The following NRBP2 variants were observed in gnomAD, a reference collection of about 807,000 sequenced individuals.
The protein encoded by NRBP2 is nuclear receptor-binding protein 2.
In NRBP2, 47 loss-of-function variants were observed where a neutral mutation model predicts 74.4. The observed-to-expected ratio is 0.63, with a 90% CI of 0.50 to 0.81. The LOEUF is 0.81. Among genes scored for constraint, NRBP2 ranks in the 30% least tolerant of loss-of-function variants. The pLI is 0.00. For synonymous variants in NRBP2, 312 were observed against 273.8 expected (o/e 1.14, Z -1.38); for missense variants, 613 against 690.1 (o/e 0.89, Z 1.25).
chr8:143,840,915 C>T lies in NRBP2; in HGVS notation c.-81G>A. On this transcript the variant is annotated 5_prime_UTR_variant, in exon 1 of 18. Transcript: ENST00000442628. The surrounding 1 kb of genome is among the most constrained non-coding windows in gnomAD (Gnocchi z 5.7). The stretch of plus-strand genomic sequence containing the variant: ...TCCCGGCCCGCCCTGGCCTCGCGCC[C>T]AGCAGCCCAGCCTAGAGCCGCCGCG... 1.6e-6 allele frequency: 2 copies of T among 1,212,330 alleles called. No homozygotes were observed. The highest frequency in any genetic ancestry group is 1.0e-6 in the Non-Finnish European group (1 of 979,252). The allele number at this position is 1,212,330 out of a possible 1,614,324, so 75.1% of individuals were successfully genotyped here.
chr8:143,831,422 C>T (rs1818163021), downstream of NRBP2, among the ~76,000 whole-genome samples: 1 of 152,174 alleles, frequency 6.6e-6, no homozygotes, highest in African/African-American at 2.4e-5. Flanking sequence ...TCAAGACCAG[C>T]TTGGGCAATA....
rs1477843484 is a variant in NRBP2 at position 143,839,932 on chromosome 8, C to T, written c.351G>A (p.Ala117=). ...CCGGGGCCTTGCCCGTGCTCACCCT[C>T]GCGCAGGCCTCAGAGGTATCCAGCC... The part of the protein sequence containing the change: ...KYWLDTSEAC[A]RVIFITEYVS... The change falls in exon 3 of 18, where the codon GCG becomes GCA. Residue 117 remains alanine, a synonymous_variant. Transcript: ENST00000442628. This position sits in a 1 kb window ranked among gnomAD's most constrained non-coding sequence, Gnocchi z 5.1. 6.5e-7 allele frequency: 1 copy of T among 1,536,124 alleles called. No homozygotes were observed. The highest frequency in any genetic ancestry group is 8.7e-7 in the Non-Finnish European group (1 of 1,146,842).
downstream of NRBP2, among the ~76,000 whole-genome samples, chr8:143,832,786 A>C (rs554813687): frequency 1.4e-4 from 21 of 152,340 alleles, no homozygotes; most frequent in Admixed American, 2.6e-4. Context: ...TGATCAATAA[A>C]TACTAAGGGA....
chr8:143,839,831 C>G lies in NRBP2; in HGVS notation c.355-6G>C, dbSNP rs144488751. 284 of 1,536,042 alleles carry G rather than the reference C, an allele frequency of 1.8e-4. 3 individuals are homozygous for G. The Middle Eastern group carries it at 9.0e-3, about 49-fold the overall frequency. Reference sequence around the variant, plus strand: ...TACTCTGTGATGAAGATGACCTGCACGGTGCGAGCTCAGGATTTCCACCAG... The same window carrying G: ...TACTCTGTGATGAAGATGACCTGCAGGGTGCGAGCTCAGGATTTCCACCAG... On this transcript the variant is annotated splice_region_variant and splice_polypyrimidine_tract_variant and intron_variant, in intron 3 of 17. Transcript: ENST00000442628. The surrounding 1 kb of genome is among the most constrained non-coding windows in gnomAD (Gnocchi z 5.1).
At position 143,839,639 on chromosome 8, in the gene NRBP2, C is replaced by G. The variant is rs1472025728; in HGVS notation, c.445-90G>C. 1 of 1,511,746 alleles carries G rather than the reference C, an allele frequency of 6.6e-7. No individual in the cohort carries two copies. Among genetic ancestry groups the G allele is most frequent in the Non-Finnish European group, 8.8e-7 (1 of 1,134,244 alleles). The allele number at this position is 1,511,746 out of a possible 1,614,324, so 93.6% of individuals were successfully genotyped here. ...CCCGCCCCGCATCCTCGCCCAGCCC[C>G]TGTCCGAGGCCGCCGGGCACCCCCT... On this transcript the variant is annotated intron_variant, in intron 4 of 17. Coordinates refer to ENST00000442628, the MANE Select transcript of NRBP2 (RefSeq NM_178564.4). This position sits in a 1 kb window ranked among gnomAD's most constrained non-coding sequence, Gnocchi z 5.1.
Position 143,839,482 on chromosome 8 carries a change from C to T in NRBP2, c.485+27G>A, listed in dbSNP as rs1554653002. 6.5e-7 allele frequency: 1 copy of T among 1,532,234 alleles called. No individual in the cohort carries two copies. Among genetic ancestry groups the T allele is most frequent in the Non-Finnish European group, 8.7e-7 (1 of 1,145,076 alleles). The allele number at this position is 1,532,234 out of a possible 1,614,324, so 94.9% of individuals were successfully genotyped here. On this transcript the variant is annotated intron_variant, in intron 5 of 17. Transcript: ENST00000442628. The surrounding 1 kb of genome is among the most constrained non-coding windows in gnomAD (Gnocchi z 5.1). The stretch of plus-strand genomic sequence containing the variant: ...TGGAGAGATGGGGGCTCGGTGGCGC[C>T]GCGCCCAGGCCAGCCCAGGCCCTCA...
In NRBP2 at chr8:143,838,958, G is replaced by A. The variant is rs1818557630; in HGVS notation, c.689-20C>T. The A allele has an allele frequency of 6.3e-7, 1 of 1,590,428 alleles. No individual in the cohort carries two copies. The highest frequency in any genetic ancestry group is 8.6e-7 in the Non-Finnish European group (1 of 1,168,300). On this transcript the variant is annotated intron_variant, in intron 8 of 17. Transcript: ENST00000442628. ...CCACCTCTGAACAGAAGAGAGCACA[G>A]GACACGTAGGAGAGAAGCGCAGGGT... is the stretch of plus-strand genomic sequence containing the variant.
In NRBP2 at chr8:143,840,501, C is replaced by T; in HGVS notation, c.129+205G>A. ...GAGTCCAGAGGCATGGGGAGGTGGT[C>T]CTGGGAGGAGACTGGCCCTCAGGGA... On this transcript the variant is annotated intron_variant, in intron 1 of 17. Coordinates refer to ENST00000442628, the MANE Select transcript of NRBP2 (RefSeq NM_178564.4). This position sits in a 1 kb window ranked among gnomAD's most constrained non-coding sequence, Gnocchi z 5.7. 3.0e-6 allele frequency: 2 copies of T among 660,400 alleles called. No individual in the cohort carries two copies. The highest frequency in any genetic ancestry group is 1.8e-5 in the African/African-American group (1 of 54,868). The allele number at this position is 660,400 out of a possible 1,614,324, so 40.9% of individuals were successfully genotyped here.
rs531633986 is a variant in NRBP2 at position 143,834,071 on chromosome 8, TCCTTAATC to T, written c.*1583_*1590del. On this transcript the variant is annotated 3_prime_UTR_variant, in exon 18 of 18. Coordinates refer to ENST00000442628, the MANE Select transcript of NRBP2 (RefSeq NM_178564.4). ...CCCTTCCCCAACAAAAGAGGTTCATTCCTTAATCCCTGGAACCAGTGAATGTTAGTTTA... is the reference window on the plus strand; with the variant it reads ...CCCTTCCCCAACAAAAGAGGTTCATTCCTGGAACCAGTGAATGTTAGTTTA... The T allele has an allele frequency of 1.7e-4, 26 of 152,342 alleles. No individual in the cohort carries two copies. In the East Asian group the frequency reaches 5.0e-3, roughly 29 times the overall value. 9.4% of individuals were successfully genotyped at this position (152,342 alleles called of 1,614,324 possible).
Position 143,835,933 on chromosome 8 carries a change from A to C in NRBP2, c.1381+34T>G. 1.3e-6 allele frequency: 2 copies of C among 1,590,278 alleles called. No individual in the cohort carries two copies. Among genetic ancestry groups the C allele is most frequent in the African/African-American group, 1.3e-5 (1 of 74,640 alleles). Reference sequence around the variant, plus strand: ...CGCTGCCCACCCGCCGCCTGGGGTCACCGCCCGCCGCCCAAGTCCCCTGCC... The same window carrying C: ...CGCTGCCCACCCGCCGCCTGGGGTCCCCGCCCGCCGCCCAAGTCCCCTGCC... On this transcript the variant is annotated intron_variant, in intron 16 of 17. Coordinates refer to ENST00000442628, the MANE Select transcript of NRBP2 (RefSeq NM_178564.4). The surrounding 1 kb of genome is among the most constrained non-coding windows in gnomAD (Gnocchi z 4.9).
chr8:143,835,586 C>T lies in NRBP2; in HGVS notation c.*76G>A, dbSNP rs782630545. On this transcript the variant is annotated 3_prime_UTR_variant, in exon 18 of 18. Coordinates refer to ENST00000442628, the MANE Select transcript of NRBP2 (RefSeq NM_178564.4). The surrounding 1 kb of genome is among the most constrained non-coding windows in gnomAD (Gnocchi z 4.9). Reference sequence around the variant, plus strand: ...CCAGGCGCATGGAGGAGGGCAGCCCCACGGTGCTGGAGTCTCCCCAACATG... The same window carrying T: ...CCAGGCGCATGGAGGAGGGCAGCCCTACGGTGCTGGAGTCTCCCCAACATG... 2.4e-6 allele frequency: 3 copies of T among 1,255,204 alleles called. No individual in the cohort carries two copies. The highest frequency in any genetic ancestry group is 2.5e-5 in the East Asian group (1 of 40,644). 77.8% of individuals were successfully genotyped at this position (1,255,204 alleles called of 1,614,324 possible). A position where few individuals can be genotyped will look rare whatever the true frequency, so the allele number is the denominator to read the frequency against.
chr8:143,837,441 G>C lies in NRBP2; in HGVS notation c.1042C>G (p.Leu348Val). The change falls in exon 12 of 18, where the codon CTT (leucine) becomes GTT (valine). Residue 348 changes from leucine (L) to valine (V), a missense_variant. Coordinates refer to ENST00000442628, the MANE Select transcript of NRBP2 (RefSeq NM_178564.4). The surrounding 1 kb of genome is among the most constrained non-coding windows in gnomAD (Gnocchi z 4.3). Reference sequence around the variant, plus strand: ...AGCGGGGGCCTGCGGGGCCGGGGAAGCTCCGCCAAGACCGCGTGCAGGTCC... The same window carrying C: ...AGCGGGGGCCTGCGGGGCCGGGGAACCTCCGCCAAGACCGCGTGCAGGTCC... ...AMDLHAVLAE[L>V]PRPRRPPLQW... 6.2e-7 allele frequency: 1 copy of C among 1,608,686 alleles called. No homozygotes were observed.
chr8:143,836,702 G>GA (rs1554651891), intron 14 of NRBP2, among the ~76,000 whole-genome samples: 7 of 142,798 alleles, frequency 4.9e-5, no homozygotes, highest in Non-Finnish European at 9.2e-5. Flanking sequence ...GAGGGGTGGG[G>GA]GGGGTGGGAG....
chr8:143,832,257 C>T (rs999478004), downstream of NRBP2, among the ~76,000 whole-genome samples: 5 of 151,640 alleles, frequency 3.3e-5, no homozygotes. Flanking sequence ...TCCCTAATCT[C>T]AAGTACCCAG....
chr8:143,840,225 T>C lies in NRBP2; in HGVS notation c.134A>G (p.Asn45Ser). 6.5e-7 allele frequency: 1 copy of C among 1,535,998 alleles called. No individual in the cohort carries two copies. Among genetic ancestry groups the C allele is most frequent in the Non-Finnish European group, 8.7e-7 (1 of 1,146,836 alleles). ...GRWQKRREQVNQGNMPGLQST... is the reference protein window; with the variant it reads ...GRWQKRREQVSQGNMPGLQST... Reference sequence around the variant, plus strand: ...CTGAAGCCCTGGCATGTTCCCTTGGTTTACCTGGGGGTGAATAAAGGGTTA... The same window carrying C: ...CTGAAGCCCTGGCATGTTCCCTTGGCTTACCTGGGGGTGAATAAAGGGTTA... The change falls in exon 2 of 18, where the codon AAC becomes AGC. Residue 45 changes from asparagine (N) to serine (S), a missense_variant. Physicochemically the swap from Asn to Ser is conservative, Grantham distance 46 (BLOSUM62 1). This residue lies in a region of NRBP2 where 332 missense variants were observed against 429.2 expected (regional missense o/e 0.77). Coordinates refer to ENST00000442628, the MANE Select transcript of NRBP2 (RefSeq NM_178564.4). This position sits in a 1 kb window ranked among gnomAD's most constrained non-coding sequence, Gnocchi z 5.7.
rs1244043487 is a variant in NRBP2 at position 143,840,777 on chromosome 8, C to CCTCCCG, written c.52_57dup (p.Arg18_Glu19dup). On this transcript the variant is annotated inframe_insertion, in exon 1 of 18. Coordinates refer to ENST00000442628, the MANE Select transcript of NRBP2 (RefSeq NM_178564.4). This position sits in a 1 kb window ranked among gnomAD's most constrained non-coding sequence, Gnocchi z 5.7. Reference sequence around the variant, plus strand: ...ATGTCGCTCTCGTCCTCGCTCTCGTCCTCCCGCTCCCGCTCCCGTTCCCGG... The same window carrying CCTCCCG: ...ATGTCGCTCTCGTCCTCGCTCTCGTCCTCCCGCTCCCGCTCCCGCTCCCGTTCCCGG... 23 of 1,510,006 alleles carry CCTCCCG rather than the reference C, an allele frequency of 1.5e-5. No individual in the cohort carries two copies. In the Admixed American group the frequency reaches 2.7e-4, roughly 17 times the overall value. The allele number at this position is 1,510,006 out of a possible 1,614,324, so 93.5% of individuals were successfully genotyped here.
Position 143,840,176 on chromosome 8 carries a change from C to T in NRBP2, c.183G>A (p.Thr61=). 1 of 1,536,156 alleles carries T rather than the reference C, an allele frequency of 6.5e-7. No individual in the cohort carries two copies. Among genetic ancestry groups the T allele is most frequent in the South Asian group, 1.2e-5 (1 of 84,062 alleles). The change falls in exon 2 of 18, where the codon ACG becomes ACA. Residue 61 remains threonine (T), a synonymous_variant. Coordinates refer to ENST00000442628, the MANE Select transcript of NRBP2 (RefSeq NM_178564.4). The surrounding 1 kb of genome is among the most constrained non-coding windows in gnomAD (Gnocchi z 5.7). Reference sequence around the variant, plus strand: ...TCCACACCACCTCTACCCCCTCCTCCGTGTCCATGGCTAGGAAGGTGCTCT... The same window carrying T: ...TCCACACCACCTCTACCCCCTCCTCTGTGTCCATGGCTAGGAAGGTGCTCT... ...GLQSTFLAMD[T]EEGVEVVWNE... is the part of the protein sequence containing the mutation.
Position 143,840,895 on chromosome 8 carries a change from G to T in NRBP2, c.-61C>A. The T allele has an allele frequency of 8.1e-7, 1 of 1,237,148 alleles. No individual in the cohort carries two copies. The highest frequency in any genetic ancestry group is 1.0e-6 in the Non-Finnish European group (1 of 995,190). 76.6% of individuals were successfully genotyped at this position (1,237,148 alleles called of 1,614,324 possible). A position where few individuals can be genotyped will look rare whatever the true frequency, so the allele number is the denominator to read the frequency against. On this transcript the variant is annotated 5_prime_UTR_variant, in exon 1 of 18. Coordinates refer to ENST00000442628, the MANE Select transcript of NRBP2 (RefSeq NM_178564.4). This position sits in a 1 kb window ranked among gnomAD's most constrained non-coding sequence, Gnocchi z 5.7. ...TCCGCCGCCGGCGCAGCCTCTCCCG[G>T]CCCGCCCTGGCCTCGCGCCCAGCAG... is the stretch of plus-strand genomic sequence containing the variant.
chr8:143,838,556 C>T (rs1032980940), intron 10 of NRBP2, 124 bp downstream of exon 10: 2 of 700,414 alleles, frequency 2.9e-6, no homozygotes. Context: ...GGGAGGGGTG[C>T]AGTCAGCTGG....
Sources: allele counts gnomAD v4.1 joint callset (sites outside exome capture counted in the v4.1 genomes callset), GRCh38; gene constraint gnomAD v4.1.1; regional missense constraint gnomAD v4.1.1; non-coding constraint Gnocchi (gnomAD v3.1); transcripts MANE v1.5; gene names NCBI Gene and HGNC (gene_info 2026-07-23, HGNC 2026-07-21).